Variants in CERT1 observed in about 807,000 individuals in gnomAD.
CERT1 encodes the protein ceramide transporter 1, also known as ceramide transfer protein.
CERT1 carries 31 observed loss-of-function variants against 87.9 expected under a neutral mutation model. That is an observed-to-expected ratio of 0.35 (90% CI 0.27 to 0.48). The LOEUF is 0.48. CERT1 is among the 20% of genes least tolerant of loss of function. The pLI is 0.99. For synonymous variants in CERT1, 289 were observed against 250.9 expected (o/e 1.15, Z -1.44); for missense variants, 487 against 758.0 (o/e 0.64, Z 4.20).
At chr5:75,397,045 G>T (rs1040541863) in intron 11 of CERT1, among the ~76,000 whole-genome samples, 1 of 152,142 alleles carries the variant, frequency 6.6e-6, no homozygotes, top group Admixed American at 6.5e-5. Flanking sequence ...GGCTGATAAG[G>T]CAGTGTAACA....
In CERT1 at chr5:75,386,037, A is replaced by G. The variant is rs144229842; in HGVS notation, c.1285-3T>C. 3.3e-6 allele frequency: 5 copies of G among 1,509,008 alleles called. No individual in the cohort carries two copies. The highest frequency in any genetic ancestry group is 1.4e-5 in the African/African-American group (1 of 70,718). The allele number at this position is 1,509,008 out of a possible 1,614,324, so 93.5% of individuals were successfully genotyped here. ...TCTTCTACTTCTCTTCTGTATACCT[A>G]AAGAGAACATAATTCCAAAACTGTT... On this transcript the variant is annotated splice_region_variant and splice_polypyrimidine_tract_variant and intron_variant, in intron 12 of 16. Transcript: ENST00000643780.
intron 16 of CERT1, among the ~76,000 whole-genome samples, 167 bp downstream of exon 16, chr5:75,380,905 T>A (rs73763057): frequency 0.079 from 11,965 of 151,910 alleles, 563 homozygotes; most frequent in South Asian, 0.17. Context: ...AATTCAGACA[T>A]CTGTACTTTC....
intron 2 of CERT1, among the ~76,000 whole-genome samples, chr5:75,480,475 G>A (rs1221868514): frequency 2.6e-5 from 4 of 152,156 alleles, no homozygotes; most frequent in African/African-American, 9.7e-5. Flanking sequence ...GGGAAAAATG[G>A]AATTCTGAAG....
At chr5:75,392,512 G>C (rs373088953) in intron 11 of CERT1, among the ~76,000 whole-genome samples, 30 of 152,174 alleles carry the variant, frequency 2.0e-4, no homozygotes, top group East Asian at 1.9e-3. Flanking sequence ...AGGTATACAG[G>C]TAAAAATCTC....
At position 75,511,102 on chromosome 5, in the gene CERT1, G is replaced by A. The variant is rs763355963; in HGVS notation, c.96+10C>T. ...TGGCCAGGGGTCCCTTGGCACCAGG[G>A]GTTGCTCACCTTACTGAGGACCCCG... On this transcript the variant is annotated intron_variant, in intron 1 of 16. Coordinates refer to ENST00000643780, the MANE Select transcript of CERT1 (RefSeq NM_001379029.1). The A allele has an allele frequency of 2.6e-6, 4 of 1,546,652 alleles. No individual in the cohort carries two copies. Among genetic ancestry groups the A allele is most frequent in the Admixed American group, 2.0e-5 (1 of 50,798 alleles).
intron 2 of CERT1, among the ~76,000 whole-genome samples, chr5:75,469,318 G>C (rs1765610784): frequency 6.6e-6 from 1 of 152,136 alleles, no homozygotes; most frequent in Non-Finnish European, 1.5e-5. Flanking sequence ...GAATTTATGA[G>C]ATAGCATTAA....
Position 75,387,507 on chromosome 5 carries a change from C to A in CERT1, c.1285-1473G>T, listed in dbSNP as rs183214653. On this transcript the variant is annotated intron_variant, in intron 12 of 16. Coordinates refer to ENST00000643780, the MANE Select transcript of CERT1 (RefSeq NM_001379029.1). ...CTGTTATCCCAGCACTTTGGGAGGCCGAGGCGGGCGGATCACCTGAGGTCA... is the reference window on the plus strand; with the variant it reads ...CTGTTATCCCAGCACTTTGGGAGGCAGAGGCGGGCGGATCACCTGAGGTCA... 1.5e-3 allele frequency among the ~76,000 whole-genome samples: 228 copies of A among 151,816 alleles called. 1 individual carries two copies. Among genetic ancestry groups the A allele is most frequent in the Admixed American group, 7.4e-3 (112 of 15,226 alleles).
rs549537869 is a variant in CERT1 at position 75,500,574 on chromosome 5, G to C, written c.231+5408C>G. On this transcript the variant is annotated intron_variant, in intron 2 of 16. Coordinates refer to ENST00000643780, the MANE Select transcript of CERT1 (RefSeq NM_001379029.1). ...GTTTCTCAAAGCATAAATCTTAGCA[G>C]ATCGAAGAGTCTCATTTCTTTAAAA... is the stretch of plus-strand genomic sequence containing the variant. Among the ~76,000 whole-genome samples, 104 of 152,256 alleles carry C rather than the reference G, an allele frequency of 6.8e-4. 1 individual carries two copies. In the South Asian group the frequency reaches 0.011, roughly 15 times the overall value.
chr5:75,467,367 C>T (rs1274239019), intron 2 of CERT1, among the ~76,000 whole-genome samples: 3 of 152,052 alleles, frequency 2.0e-5, no homozygotes, highest in Non-Finnish European at 2.9e-5. Context: ...TGAAGCCGGA[C>T]GTGGTAGCTC....
chr5:75,461,652 AT>A (rs1765237536), intron 2 of CERT1, among the ~76,000 whole-genome samples: 1 of 152,204 alleles, frequency 6.6e-6, no homozygotes. Flanking sequence ...AAAAGAACAT[AT>A]AGCTCATAAT....
Position 75,424,867 on chromosome 5 carries a change from C to T in CERT1, c.595+494G>A, listed in dbSNP as rs147506514. 1.4e-3 allele frequency among the ~76,000 whole-genome samples: 213 copies of T among 152,262 alleles called. 1 individual carries two copies. Among genetic ancestry groups the T allele is most frequent in the African/African-American group, 4.3e-3 (177 of 41,544 alleles). ...GTGGCTCACACCTATAATCTCAACACTTTGGTAGGCCGAAGTGGGAAGATT... is the reference window on the plus strand; with the variant it reads ...GTGGCTCACACCTATAATCTCAACATTTTGGTAGGCCGAAGTGGGAAGATT... On this transcript the variant is annotated intron_variant, in intron 5 of 16. Coordinates refer to ENST00000643780, the MANE Select transcript of CERT1 (RefSeq NM_001379029.1).
intron 3 of CERT1, among the ~76,000 whole-genome samples, chr5:75,436,242 C>T (rs1764092566): frequency 1.3e-5 from 2 of 151,996 alleles, no homozygotes; most frequent in South Asian, 4.2e-4. Context: ...ACCGTGTTAG[C>T]CAGGATGGTC....
chr5:75,391,157 A>ACT (rs1225131417), intron 11 of CERT1, among the ~76,000 whole-genome samples: 1 of 152,146 alleles, frequency 6.6e-6, no homozygotes, highest in Non-Finnish European at 1.5e-5. Flanking sequence ...GGGTCTCGCC[A>ACT]TCTGGCCCAG....
At chr5:75,449,272 A>G (rs1326379180) in intron 3 of CERT1, among the ~76,000 whole-genome samples, 1 of 152,226 alleles carries the variant, frequency 6.6e-6, no homozygotes, top group Non-Finnish European at 1.5e-5. Context: ...AAAAGTTATG[A>G]ATAAACAGGA....
chr5:75,492,275 G>A (rs1221126476), intron 2 of CERT1, among the ~76,000 whole-genome samples: 1 of 152,168 alleles, frequency 6.6e-6, no homozygotes, highest in Non-Finnish European at 1.5e-5. Flanking sequence ...TGAGGCAGGA[G>A]GATCATGAGC....
chr5:75,485,813 A>T (rs1766496048), intron 2 of CERT1, among the ~76,000 whole-genome samples: 1 of 152,182 alleles, frequency 6.6e-6, no homozygotes, highest in Non-Finnish European at 1.5e-5. Flanking sequence ...AACCAGGAAG[A>T]AATTTAAAAC....
At chr5:75,436,389 G>T (rs1226068612) in intron 3 of CERT1, among the ~76,000 whole-genome samples, 2 of 152,124 alleles carry the variant, frequency 1.3e-5, no homozygotes, top group Admixed American at 1.3e-4. Context: ...TAGAGCAAAG[G>T]TATCATGTTA....
rs372665762 is a variant in CERT1 at position 75,446,995 on chromosome 5, T to G, written c.348+12070A>C. On this transcript the variant is annotated intron_variant, in intron 3 of 16. Coordinates refer to ENST00000643780, the MANE Select transcript of CERT1 (RefSeq NM_001379029.1). ...ACCTCTGTGATAAGAAGCCATAACT[T>G]GCAGTCAGAGCATAGATCCCTAGTA... Among the ~76,000 whole-genome samples, 8 of 152,320 alleles carry G rather than the reference T, an allele frequency of 5.3e-5. No homozygotes were observed. In the East Asian group the frequency reaches 1.2e-3, roughly 22 times the overall value.
chr5:75,380,885 T>C (rs1179321776), intron 16 of CERT1, among the ~76,000 whole-genome samples, 187 bp downstream of exon 16: 1 of 152,116 alleles, frequency 6.6e-6, no homozygotes, highest in Non-Finnish European at 1.5e-5. Context: ...TAGTAGTAGT[T>C]CCAGGGTGAA....
Sources: gnomAD v4.1 joint callset for allele counts (sites outside exome capture counted in the v4.1 genomes callset) on GRCh38, gnomAD v4.1.1 for gene constraint, MANE v1.5 for transcripts, NCBI Gene and HGNC (gene_info 2026-07-23, HGNC 2026-07-21) for gene names.